CPN1: variants seen among roughly 807,000 people sequenced by gnomAD.
The protein encoded by CPN1 is carboxypeptidase N subunit 1.
CPN1 carries 37 observed loss-of-function variants against 46.4 expected under a neutral mutation model. The ratio of observed to expected loss-of-function variants is 0.80; its 90% CI spans 0.61 to 1.05. CPN1 has a LOEUF of 1.05. Ranked by LOEUF, CPN1 falls within the 50% of genes least tolerant of loss-of-function variation. CPN1 has a pLI of 0.00. For synonymous variants in CPN1, 224 were observed against 235.4 expected (o/e 0.95, Z 0.44); for missense variants, 563 against 602.6 (o/e 0.93, Z 0.69).
chr10:100,049,825 G>A, intron 7 of CPN1, among the ~76,000 whole-genome samples: 1 of 152,174 alleles, frequency 6.6e-6, no homozygotes, highest in East Asian at 1.9e-4. Flanking sequence ...CACTGAACAT[G>A]TTAAATGTAA....
chr10:100,069,896 T>A, intron 2 of CPN1, 27 bp from the exon 3 acceptor site: 1 of 1,613,254 alleles, frequency 6.2e-7, no homozygotes, highest in South Asian at 1.1e-5. Context: ...AGATGAAAAA[T>A]GAAGGTTTCA....
intron 5 of CPN1, among the ~76,000 whole-genome samples, chr10:100,062,727 G>A (rs780995105): frequency 1.7e-4 from 26 of 150,374 alleles, no homozygotes; most frequent in Non-Finnish European, 3.4e-4. Flanking sequence ...CCCATTAGCT[G>A]GGACTACAGG....
chr10:100,071,360 C>T lies in CPN1; in HGVS notation c.421-1491G>A, dbSNP rs571370949. Among the ~76,000 whole-genome samples, 216 of 152,310 alleles carry T rather than the reference C, an allele frequency of 1.4e-3. 1 individual carries two copies. The highest frequency in any genetic ancestry group is 1.6e-3 in the Non-Finnish European group (108 of 68,026). ...TGGATGGGCGGCACGCTCTCTGGTC[C>T]CCTTCTTTGTTTCTTCCAGGTTCTG... On this transcript the variant is annotated intron_variant, in intron 2 of 8. Coordinates refer to ENST00000370418, the MANE Select transcript of CPN1 (RefSeq NM_001308.3).
chr10:100,060,271 T>C (rs1251222474), intron 5 of CPN1, among the ~76,000 whole-genome samples: 2 of 152,134 alleles, frequency 1.3e-5, no homozygotes, highest in African/African-American at 4.8e-5. Flanking sequence ...TTTACCACAA[T>C]AAAAATGAAG....
chr10:100,077,288 T>C (rs549562625), intron 1 of CPN1, among the ~76,000 whole-genome samples: 4 of 146,470 alleles, frequency 2.7e-5, no homozygotes, highest in Non-Finnish European at 5.9e-5. Context: ...TGGAGTGCAG[T>C]GGCAAAATCC....
intron 3 of CPN1, 37 bp from the exon 4 acceptor site, chr10:100,065,407 C>A: frequency 6.2e-7 from 1 of 1,611,982 alleles, no homozygotes; most frequent in Non-Finnish European, 8.5e-7. Context: ...GAAGGGCCAA[C>A]TGGGGCTACC....
chr10:100,057,088 G>A lies in CPN1; in HGVS notation c.936C>T (p.Asp312=). The A allele has an allele frequency of 6.8e-6, 11 of 1,614,148 alleles. No homozygotes were observed. Among genetic ancestry groups the A allele is most frequent in the Non-Finnish European group, 9.3e-6 (11 of 1,180,024 alleles). Residue 312 remains aspartate (D), a synonymous_variant, in exon 6 of 9, where the codon GAC becomes GAT. Transcript: ENST00000370418. ...CFEITLELSC[D]KFPPEEELQR... is the part of the protein sequence containing the mutation. ...GTAACTCCTCTTCGGGGGGAAACTT[G>A]TCGCAACTCAGTTCCAGCGTGATCT... is the stretch of plus-strand genomic sequence containing the variant.
rs7915507 is a variant in CPN1 at position 100,080,672 on chromosome 10, C to T, written c.223+731G>A. The stretch of plus-strand genomic sequence containing the variant: ...CACTGGGAGGCCAAGGTGGGTGGAT[C>T]GCCTGAGCCCAGGAGTTTGAGATTA... On this transcript the variant is annotated intron_variant, in intron 1 of 8. Coordinates refer to ENST00000370418, the MANE Select transcript of CPN1 (RefSeq NM_001308.3). 2.7e-3 allele frequency among the ~76,000 whole-genome samples: 408 copies of T among 152,298 alleles called. 1 individual carries two copies. Among genetic ancestry groups the T allele is most frequent in the African/African-American group, 9.3e-3 (385 of 41,558 alleles).
In CPN1 at chr10:100,081,713, C is replaced by T. The variant is rs1480249061; in HGVS notation, c.-88G>A. On this transcript the variant is annotated 5_prime_UTR_variant, in exon 1 of 9. Transcript: ENST00000370418. ...TCTTCACCCGCCAAAATCCAAGGTC[C>T]ACCTAGCTTCCCGCTTGTAAACACC... 5 of 1,097,890 alleles carry T rather than the reference C, an allele frequency of 4.6e-6. No individual in the cohort carries two copies. Among genetic ancestry groups the T allele is most frequent in the South Asian group, 2.6e-5 (2 of 75,498 alleles). The allele number at this position is 1,097,890 out of a possible 1,614,324, so 68.0% of individuals were successfully genotyped here.
Position 100,069,819 on chromosome 10 carries a change from C to A in CPN1, c.471G>T (p.Val157=), listed in dbSNP as rs148864623. The A allele has an allele frequency of 9.9e-5, 160 of 1,613,758 alleles. No individual in the cohort carries two copies. The African/African-American group carries it at 1.9e-3, about 19-fold the overall frequency. The change falls in exon 3 of 9, where the codon GTG becomes GTT. Residue 157 remains valine, a synonymous_variant. Coordinates refer to ENST00000370418, the MANE Select transcript of CPN1 (RefSeq NM_001308.3). ...YLVGRNNANG[V]DLNRNFPDLN... The stretch of plus-strand genomic sequence containing the variant: ...GATCAGGGAAGTTGCGGTTCAGGTC[C>A]ACTCCATTTGCATTGTTCCTGCCAA...
intron 4 of CPN1, among the ~76,000 whole-genome samples, chr10:100,064,744 T>C (rs1209945979): frequency 1.3e-5 from 2 of 152,168 alleles, no homozygotes; most frequent in African/African-American, 4.8e-5. Flanking sequence ...TGTTAACATA[T>C]CGTTTTGAAC....
At chr10:100,057,548 C>T (rs1456886128) in intron 5 of CPN1, among the ~76,000 whole-genome samples, 1 of 151,866 alleles carries the variant, frequency 6.6e-6, no homozygotes, top group African/African-American at 2.4e-5. Flanking sequence ...GGTGATTAGT[C>T]GGTTGTTGAT....
chr10:100,056,653 G>A (rs1028236108), intron 6 of CPN1, among the ~76,000 whole-genome samples: 9 of 151,718 alleles, frequency 5.9e-5, no homozygotes, highest in African/African-American at 1.7e-4. Context: ...CAAGACAAGC[G>A]ATCCTCCCAC....
At position 100,080,380 on chromosome 10, in the gene CPN1, G is replaced by A. The variant is rs907480087; in HGVS notation, c.223+1023C>T. Among the ~76,000 whole-genome samples the A allele has an allele frequency of 2.0e-5, 3 of 152,168 alleles. No individual in the cohort carries two copies. The East Asian group carries it at 5.8e-4, about 29-fold the overall frequency. On this transcript the variant is annotated intron_variant, in intron 1 of 8. Transcript: ENST00000370418. ...ACATGGATGCTATCCATAACAGATT[G>A]TGAAATGAGAAGGGCAGTTATAATA...
At chr10:100,072,336 T>G (rs2041490677) in intron 2 of CPN1, among the ~76,000 whole-genome samples, 1 of 152,078 alleles carries the variant, frequency 6.6e-6, no homozygotes, top group African/African-American at 2.4e-5. Context: ...CCACAACACC[T>G]GGCTAATTTT....
At position 100,081,766 on chromosome 10, in the gene CPN1, G is replaced by A; in HGVS notation, c.-141C>T. On this transcript the variant is annotated 5_prime_UTR_variant, in exon 1 of 9. Coordinates refer to ENST00000370418, the MANE Select transcript of CPN1 (RefSeq NM_001308.3). ...TCCAAATTGGAAGACGTTCCCAGCT[G>A]TCCGTCCAAGGCTGGAAATTCTTTA... 2 of 719,270 alleles carry A rather than the reference G, an allele frequency of 2.8e-6. No homozygotes were observed. Among genetic ancestry groups the A allele is most frequent in the Non-Finnish European group, 4.9e-6 (2 of 404,258 alleles). 44.6% of individuals were successfully genotyped at this position (719,270 alleles called of 1,614,324 possible).
chr10:100,048,487 C>A (rs1255053815), intron 8 of CPN1, among the ~76,000 whole-genome samples: 1 of 152,056 alleles, frequency 6.6e-6, no homozygotes, highest in African/African-American at 2.4e-5. Flanking sequence ...CACTTGAGCC[C>A]AGGAGTTCAA....
intron 2 of CPN1, among the ~76,000 whole-genome samples, chr10:100,072,068 C>T (rs2041488937): frequency 6.6e-6 from 1 of 152,176 alleles, no homozygotes; most frequent in Non-Finnish European, 1.5e-5. Context: ...TGAACATCCA[C>T]GTACAAGTCT....
At chr10:100,078,219 C>T (rs2041526363) in intron 1 of CPN1, among the ~76,000 whole-genome samples, 1 of 151,670 alleles carries the variant, frequency 6.6e-6, no homozygotes, top group African/African-American at 2.4e-5. Flanking sequence ...GGCTAATTTT[C>T]TAAAAAAAAA....
Sources: gnomAD v4.1 joint callset for allele counts (sites outside exome capture counted in the v4.1 genomes callset) on GRCh38, gnomAD v4.1.1 for gene constraint, MANE v1.5 for transcripts, NCBI Gene and HGNC (gene_info 2026-07-23, HGNC 2026-07-21) for gene names.